Variants in CALN1 observed in about 807,000 individuals in gnomAD.
CALN1 encodes calneuron 1.
In CALN1, 17 loss-of-function variants were observed where a neutral mutation model predicts 30.6. The observed-to-expected ratio is 0.56, with a 90% CI of 0.38 to 0.83. The LOEUF is 0.83. Among genes scored for constraint, CALN1 ranks in the 40% least tolerant of loss-of-function variants. The probability of loss-of-function intolerance (pLI) is 0.00; values close to 1 mark genes in which losing one functional copy is unlikely to be tolerated. For missense variants in CALN1, 291 were observed against 354.9 expected (o/e 0.82, Z 1.45); for synonymous variants, 156 against 131.4 (o/e 1.19, Z -1.28).
At chr7:72,424,316 C>T (rs1234722651) in intron 1 of CALN1, among the ~76,000 whole-genome samples, 2 of 152,174 alleles carry the variant, frequency 1.3e-5, no homozygotes, top group African/African-American at 4.8e-5. Flanking sequence ...ACTTACAATA[C>T]AGTCCTAAGG....
At chr7:72,384,265 G>C (rs760521370) in intron 2 of CALN1, among the ~76,000 whole-genome samples, 3 of 152,184 alleles carry the variant, frequency 2.0e-5, no homozygotes, top group Non-Finnish European at 4.4e-5. Context: ...GTGAATGTCT[G>C]CAAGTGTGTG....
intron 4 of CALN1, among the ~76,000 whole-genome samples, chr7:72,096,140 G>A (rs892420330): frequency 6.6e-6 from 1 of 152,178 alleles, no homozygotes; most frequent in African/African-American, 2.4e-5. Flanking sequence ...CAAGTCAGGG[G>A]TAGGGCCTGA....
intron 4 of CALN1, among the ~76,000 whole-genome samples, chr7:72,033,001 C>A (rs1447307497): frequency 2.6e-5 from 4 of 152,188 alleles, no homozygotes; most frequent in Admixed American, 6.5e-5. Flanking sequence ...TGATTAAATT[C>A]TTTTATCACT....
chr7:72,167,355 G>GTT (rs149005840), intron 3 of CALN1, among the ~76,000 whole-genome samples: 4 of 151,862 alleles, frequency 2.6e-5, no homozygotes, highest in African/African-American at 9.7e-5. Flanking sequence ...TTTTGTTTTT[G>GTT]TTTTTTTGAG....
At chr7:72,242,422 T>C (rs376781125) in intron 3 of CALN1, among the ~76,000 whole-genome samples, 3 of 152,304 alleles carry the variant, frequency 2.0e-5, no homozygotes, top group East Asian at 3.9e-4. Context: ...TTTTAACCTT[T>C]GGGAGTAAGA....
chr7:72,017,846 G>A (rs1259052532), intron 5 of CALN1, among the ~76,000 whole-genome samples: 2 of 152,056 alleles, frequency 1.3e-5, no homozygotes, highest in African/African-American at 4.8e-5. Flanking sequence ...GCGTCACTCT[G>A]GCCGAGGTGT....
intron 4 of CALN1, among the ~76,000 whole-genome samples, chr7:72,072,389 G>T (rs1054205638): frequency 6.6e-6 from 1 of 152,184 alleles, no homozygotes; most frequent in Non-Finnish European, 1.5e-5. Context: ...AAAAAAGCCT[G>T]TCAACCAAGA....
chr7:72,115,080 A>G (rs1807871760), intron 3 of CALN1, among the ~76,000 whole-genome samples: 1 of 148,852 alleles, frequency 6.7e-6, no homozygotes, highest in Non-Finnish European at 1.5e-5. Context: ...ATTACATTAT[A>G]TATGGACATT....
intron 1 of CALN1, among the ~76,000 whole-genome samples, chr7:72,421,808 T>C (rs1807621842): frequency 6.6e-6 from 1 of 152,098 alleles, no homozygotes; most frequent in African/African-American, 2.4e-5. Context: ...CAGGCTGGTC[T>C]CGATCTCCTG....
chr7:72,040,884 C>T (rs1197786872), intron 4 of CALN1, among the ~76,000 whole-genome samples: 1 of 152,026 alleles, frequency 6.6e-6, no homozygotes, highest in Non-Finnish European at 1.5e-5. Context: ...TTCAGAACTA[C>T]AAAAAAATAA....
intron 3 of CALN1, among the ~76,000 whole-genome samples, chr7:72,257,120 GC>G (rs1239347315): frequency 2.0e-5 from 3 of 152,152 alleles, no homozygotes; most frequent in African/African-American, 7.2e-5. Context: ...ATCTTACATG[GC>G]GGCAAGAGAG....
intron 4 of CALN1, among the ~76,000 whole-genome samples, chr7:72,093,817 T>C (rs1469472202): frequency 2.6e-5 from 4 of 152,226 alleles, no homozygotes; most frequent in Non-Finnish European, 5.9e-5. Flanking sequence ...CTCTGTAGAA[T>C]TATCAGTTGA....
rs554844871 is a variant in CALN1, at chr7:72,409,150, C to T, written c.-74+2908G>A. ...AGCTGGGATTACAGGCGCCCGCCACCGCTCCTGGCTAATTTTTGCATTTTT... is the reference window on the plus strand; with the variant it reads ...AGCTGGGATTACAGGCGCCCGCCACTGCTCCTGGCTAATTTTTGCATTTTT... On this transcript the variant is annotated intron_variant, in intron 1 of 6. Transcript: ENST00000395275. Among the ~76,000 whole-genome samples the T allele has an allele frequency of 1.4e-4, 21 of 152,038 alleles. No individual in the cohort carries two copies. The South Asian group carries it at 2.1e-3, about 15-fold the overall frequency.
At chr7:72,315,318 CAT>C (rs1800362301) in intron 2 of CALN1, among the ~76,000 whole-genome samples, 1 of 152,004 alleles carries the variant, frequency 6.6e-6, no homozygotes, top group Admixed American at 6.6e-5. Context: ...AATGAACAGA[CAT>C]AAAACATCAA....
chr7:72,461,614 G>A, the CALN1 span, among the ~76,000 whole-genome samples: 76 of 152,292 alleles, frequency 5.0e-4, 1 homozygote, highest in East Asian at 0.012. Context: ...GTGGGTACAC[G>A]TGGACACAAA....
chr7:72,192,092 A>C (rs1462979608), intron 3 of CALN1, among the ~76,000 whole-genome samples: 1 of 152,118 alleles, frequency 6.6e-6, no homozygotes, highest in Admixed American at 6.5e-5. Context: ...GTCATGTTGC[A>C]TCTTCTCTTT....
chr7:72,358,480 T>C (rs367644138), intron 2 of CALN1, among the ~76,000 whole-genome samples: 8 of 150,176 alleles, frequency 5.3e-5, no homozygotes, highest in South Asian at 2.1e-4. Context: ...ACATTGTACT[T>C]AGCCATCACT....
chr7:72,255,308 G>C (rs1183827703), intron 3 of CALN1, among the ~76,000 whole-genome samples: 2 of 151,826 alleles, frequency 1.3e-5, no homozygotes, highest in Admixed American at 1.3e-4. Flanking sequence ...AGCCAAGCTG[G>C]TCTCAAACTC....
At chr7:72,330,466 C>CAAAA (rs34819395) in intron 2 of CALN1, among the ~76,000 whole-genome samples, 12 of 113,012 alleles carry the variant, frequency 1.1e-4, no homozygotes, top group African/African-American at 3.2e-4. Flanking sequence ...AGACTGTCTC[C>CAAAA]AAAAAAAAAA....
Sources: allele counts gnomAD v4.1 joint callset (sites outside exome capture counted in the v4.1 genomes callset), GRCh38; gene constraint gnomAD v4.1.1; transcripts MANE v1.5; gene names NCBI Gene and HGNC (gene_info 2026-07-23, HGNC 2026-07-21).